The following LIMCH1 variants were observed in gnomAD, a reference collection of about 807,000 sequenced individuals.
LIMCH1 encodes LIM and calponin homology domains 1, also known as LIM and calponin homology domains-containing protein 1.
LIMCH1 carries 113 observed loss-of-function variants against 176.5 expected under a neutral mutation model. The observed-to-expected ratio is 0.64, with a 90% CI of 0.55 to 0.75. The LOEUF (loss-of-function observed/expected upper bound fraction) is 0.75, where lower values mean the gene tolerates loss of function less well. Among genes scored for constraint, LIMCH1 ranks in the 30% least tolerant of loss-of-function variants. The pLI is 0.00. For missense variants in LIMCH1, 1,674 were observed against 1,814.9 expected, an observed-to-expected ratio of 0.92 and a Z score of 1.41; for synonymous variants, 619 against 645.9, an observed-to-expected ratio of 0.96 and a Z score of 0.63.
chr4:41,559,997 C>CAA (rs1457998377), intron 1 of LIMCH1, among the ~76,000 whole-genome samples: 1 of 152,126 alleles, frequency 6.6e-6, no homozygotes, highest in African/African-American at 2.4e-5. Flanking sequence ...GGCTTATTTC[C>CAA]AAGTACTACC....
Sources: gnomAD v4.1 joint callset for allele counts (sites outside exome capture counted in the v4.1 genomes callset) on GRCh38, gnomAD v4.1.1 for gene constraint, MANE v1.5 for transcripts, NCBI Gene and HGNC (gene_info 2026-07-23, HGNC 2026-07-21) for gene names.